ELOVL2: variants seen among roughly 807,000 people sequenced by gnomAD.
ELOVL2 encodes the protein ELOVL fatty acid elongase 2.
ELOVL2 carries 38 observed loss-of-function variants against 37.7 expected under a neutral mutation model. The ratio of observed to expected loss-of-function variants is 1.01; its 90% CI spans 0.78 to 1.32. The LOEUF is 1.32. Among genes scored for constraint, ELOVL2 ranks in the 40% most tolerant of loss-of-function variants. The pLI is 0.00. For missense variants in ELOVL2, 352 were observed against 363.6 expected (o/e 0.97, Z 0.26); for synonymous variants, 115 against 122.3 (o/e 0.94, Z 0.40).
chr6:11,017,393 G>A (rs866475238), intron 1 of ELOVL2, among the ~76,000 whole-genome samples: 5 of 152,152 alleles, frequency 3.3e-5, no homozygotes, highest in African/African-American at 9.7e-5. Flanking sequence ...TCAGAGCTTG[G>A]ATAGCGGAGA....
intron 2 of ELOVL2, 51 bp downstream of exon 2, chr6:11,010,695 G>A: frequency 1.5e-6 from 2 of 1,351,644 alleles, no homozygotes; most frequent in African/African-American, 1.4e-5. Flanking sequence ...ATAACTAAAT[G>A]GTGTTCTTCC....
At chr6:11,012,675 A>C (rs923339277) in intron 1 of ELOVL2, among the ~76,000 whole-genome samples, 18 of 152,270 alleles carry the variant, frequency 1.2e-4, no homozygotes, top group African/African-American at 2.4e-4. Context: ...GAAGGGCAGA[A>C]ACAAAAGTAA....
chr6:11,002,522 C>CTG (rs1291710993), intron 3 of ELOVL2, among the ~76,000 whole-genome samples: 1 of 152,162 alleles, frequency 6.6e-6, no homozygotes, highest in Non-Finnish European at 1.5e-5. Flanking sequence ...AGAGAGGAGA[C>CTG]TGGGTGGCAA....
At chr6:11,016,753 C>A (rs1782690959) in intron 1 of ELOVL2, among the ~76,000 whole-genome samples, 1 of 152,208 alleles carries the variant, frequency 6.6e-6, no homozygotes, top group African/African-American at 2.4e-5. Context: ...TTATTCCCAG[C>A]CAGTCTCTCA....
chr6:11,030,592 T>C (rs936858469), intron 1 of ELOVL2, among the ~76,000 whole-genome samples: 4 of 151,996 alleles, frequency 2.6e-5, no homozygotes, highest in Non-Finnish European at 4.4e-5. Flanking sequence ...CCTGGGTTCA[T>C]GCCATTCTCC....
chr6:10,985,819 T>A (rs974754071), intron 7 of ELOVL2, among the ~76,000 whole-genome samples: 28 of 152,176 alleles, frequency 1.8e-4, no homozygotes, highest in African/African-American at 6.8e-4. Context: ...TAGGATTGAC[T>A]TGGCGATGCA....
intron 1 of ELOVL2, among the ~76,000 whole-genome samples, chr6:11,031,974 T>C (rs1232541272): frequency 2.0e-5 from 3 of 152,188 alleles, no homozygotes; most frequent in Non-Finnish European, 4.4e-5. Flanking sequence ...GCACCAGACT[T>C]TCTCTTTTGG....
chr6:11,005,496 A>G lies in ELOVL2; in HGVS notation c.131T>C (p.Met44Thr), dbSNP rs1156468417. Residue 44 changes from methionine (M) to threonine (T), a missense_variant, in exon 3 of 8, where the codon ATG (methionine) becomes ACG (threonine). Physicochemically the swap from Met to Thr is moderately conservative, Grantham distance 81 (BLOSUM62 -1). Coordinates refer to ENST00000354666, the MANE Select transcript of ELOVL2 (RefSeq NM_017770.4). The part of the protein sequence containing the change: ...SYLPTFFLTV[M>T]YLLSIWLGNK... ...ACCCAGCCATATTGAGAGCAGATAC[A>G]TGACAGTAAGAAAAAAGGTAGGAAG... 1 of 1,614,186 alleles carries G rather than the reference A, an allele frequency of 6.2e-7. No homozygotes were observed. The highest frequency in any genetic ancestry group is 1.1e-5 in the South Asian group (1 of 91,078).
intron 7 of ELOVL2, among the ~76,000 whole-genome samples, chr6:10,984,355 A>G (rs998318320): frequency 8.6e-5 from 13 of 151,934 alleles, no homozygotes; most frequent in African/African-American, 2.9e-4. Flanking sequence ...ATGTTTATAT[A>G]TTATATTTTT....
chr6:11,032,193 C>G (rs1415862147), intron 1 of ELOVL2, among the ~76,000 whole-genome samples: 1 of 152,128 alleles, frequency 6.6e-6, no homozygotes, highest in Non-Finnish European at 1.5e-5. Context: ...CCACCTGGCT[C>G]CTGCACAAGG....
chr6:10,985,212 GT>G (rs987511579), intron 7 of ELOVL2, among the ~76,000 whole-genome samples: 15 of 151,540 alleles, frequency 9.9e-5, no homozygotes, highest in African/African-American at 3.6e-4. Flanking sequence ...TGATGGGGTT[GT>G]TTTTTTCTTG....
intron 5 of ELOVL2, among the ~76,000 whole-genome samples, chr6:10,992,984 C>T (rs953657818): frequency 3.9e-5 from 6 of 151,980 alleles, no homozygotes; most frequent in Non-Finnish European, 5.9e-5. Flanking sequence ...CTTGAGCCCA[C>T]GAGTTCAAGA....
At chr6:11,017,934 A>G (rs1401443183) in intron 1 of ELOVL2, among the ~76,000 whole-genome samples, 1 of 152,214 alleles carries the variant, frequency 6.6e-6, no homozygotes, top group Non-Finnish European at 1.5e-5. Flanking sequence ...GAACTTTTAC[A>G]ATACTCACGA....
At chr6:10,984,695 A>AT in intron 7 of ELOVL2, among the ~76,000 whole-genome samples, 1 of 150,920 alleles carries the variant, frequency 6.6e-6, no homozygotes. Flanking sequence ...TGAACTCATC[A>AT]TTTTTTATGG....
At chr6:10,997,653 T>A (rs1487262179) in intron 4 of ELOVL2, among the ~76,000 whole-genome samples, 1 of 152,212 alleles carries the variant, frequency 6.6e-6, no homozygotes. Flanking sequence ...TCTCTACACA[T>A]GCGTTTTGTT....
chr6:11,020,740 A>C (rs2113539894), intron 1 of ELOVL2, among the ~76,000 whole-genome samples: 1 of 152,326 alleles, frequency 6.6e-6, no homozygotes, highest in Middle Eastern at 3.4e-3. Context: ...GCCATGTGTT[A>C]ACAGTAAAAC....
chr6:11,032,824 T>A (rs1782951676), intron 1 of ELOVL2, among the ~76,000 whole-genome samples: 1 of 152,160 alleles, frequency 6.6e-6, no homozygotes, highest in Admixed American at 6.5e-5. Flanking sequence ...AAGTAACTAA[T>A]AACATGCAAT....
intron 4 of ELOVL2, among the ~76,000 whole-genome samples, chr6:10,997,998 G>A (rs919521701): frequency 6.6e-6 from 1 of 152,120 alleles, no homozygotes; most frequent in African/African-American, 2.4e-5. Flanking sequence ...TTTGGGTCAC[G>A]GTGGCAGATC....
chr6:10,985,861 G>A (rs939227703), intron 7 of ELOVL2, among the ~76,000 whole-genome samples: 5 of 152,250 alleles, frequency 3.3e-5, no homozygotes, highest in African/African-American at 1.2e-4. Flanking sequence ...GAACTTTAAA[G>A]TAGTTTTTTC....
Sources: gnomAD v4.1 joint callset for allele counts (sites outside exome capture counted in the v4.1 genomes callset) on GRCh38, gnomAD v4.1.1 for gene constraint, MANE v1.5 for transcripts, NCBI Gene and HGNC (gene_info 2026-07-23, HGNC 2026-07-21) for gene names.